Variants in CAB39L observed in about 807,000 individuals in gnomAD.
CAB39L encodes the protein calcium binding protein 39 like.
A neutral mutation model predicts 39.1 loss-of-function variants in CAB39L; 23 were observed. The observed-to-expected ratio is 0.59, with a 90% CI of 0.42 to 0.83. CAB39L has a LOEUF of 0.83. CAB39L is among the 40% of genes least tolerant of loss of function. The pLI, the probability that CAB39L is intolerant of heterozygous loss-of-function variation, is 0.00. For synonymous variants in CAB39L, 126 were observed against 137.2 expected, an observed-to-expected ratio of 0.92 and a Z score of 0.57; for missense variants, 366 against 391.9, an observed-to-expected ratio of 0.93 and a Z score of 0.56.
At chr13:49,325,061 T>G (rs1593910999) in intron 10 of CAB39L, among the ~76,000 whole-genome samples, 1 of 152,322 alleles carries the variant, frequency 6.6e-6, no homozygotes, top group South Asian at 2.1e-4. Flanking sequence ...AGTAACATAT[T>G]TATATACTTG....
intron 7 of CAB39L, among the ~76,000 whole-genome samples, chr13:49,347,951 C>T (rs1955229701): frequency 6.6e-6 from 1 of 152,008 alleles, no homozygotes; most frequent in Admixed American, 6.6e-5. Context: ...TCATACTCCG[C>T]CTCTCGTTAA....
intron 3 of CAB39L, among the ~76,000 whole-genome samples, chr13:49,387,298 G>A (rs1396755713): frequency 6.6e-6 from 1 of 152,188 alleles, no homozygotes; most frequent in African/African-American, 2.4e-5. Context: ...GCCTGACAAT[G>A]GTGCCTTGTG....
intron 5 of CAB39L, among the ~76,000 whole-genome samples, chr13:49,360,636 C>A (rs986298556): frequency 1.3e-5 from 2 of 152,132 alleles, no homozygotes; most frequent in Non-Finnish European, 2.9e-5. Context: ...TGTGTCCTCA[C>A]CCAGATCTCA....
intron 10 of CAB39L, among the ~76,000 whole-genome samples, chr13:49,331,531 A>T (rs141725490): frequency 8.9e-4 from 135 of 152,188 alleles, no homozygotes; most frequent in African/African-American, 2.7e-3. Flanking sequence ...ATCATAACAA[A>T]ATACATTGTA....
chr13:49,374,883 T>C (rs1036482869), intron 5 of CAB39L, among the ~76,000 whole-genome samples: 3 of 152,216 alleles, frequency 2.0e-5, no homozygotes, highest in African/African-American at 7.2e-5. Flanking sequence ...AGCGTACTTA[T>C]GAATTAATGA....
In CAB39L at chr13:49,310,717, C is replaced by G; in HGVS notation, c.*97G>C. 7.5e-7 allele frequency: 1 copy of G among 1,329,490 alleles called. No homozygotes were observed. Among genetic ancestry groups the G allele is most frequent in the East Asian group, 2.3e-5 (1 of 43,146 alleles). The allele number at this position is 1,329,490 out of a possible 1,614,324, so 82.4% of individuals were successfully genotyped here. ...CAATTACAGCAGAAAAAATAGGCAC[C>G]TCCAAAGTCTTCCCAAGAATGATGA... On this transcript the variant is annotated 3_prime_UTR_variant, in exon 11 of 11. Coordinates refer to ENST00000409308, the MANE Select transcript of CAB39L (RefSeq NM_001079670.3).
chr13:49,354,611 T>A (rs1007628860), intron 6 of CAB39L, among the ~76,000 whole-genome samples: 8 of 152,184 alleles, frequency 5.3e-5, no homozygotes, highest in Admixed American at 2.0e-4. Context: ...CCATGGCAGG[T>A]CCCCAGTAAA....
intron 10 of CAB39L, among the ~76,000 whole-genome samples, chr13:49,317,221 T>G (rs1954183089): frequency 6.6e-6 from 1 of 152,152 alleles, no homozygotes; most frequent in Admixed American, 6.5e-5. Flanking sequence ...TCCAACACCT[T>G]TTCATGATAA....
Position 49,443,484 on chromosome 13 carries a change from C to G in CAB39L, c.-246+502G>C, listed in dbSNP as rs1490941793. On this transcript the variant is annotated intron_variant, in intron 1 of 10. Transcript: ENST00000409308. ...GAGCAAACTGTTTAGCAGCCGCTCCCTCGAAAAGGACGGAAGAGGAGGTCT... is the reference window on the plus strand; with the variant it reads ...GAGCAAACTGTTTAGCAGCCGCTCCGTCGAAAAGGACGGAAGAGGAGGTCT... Among the ~76,000 whole-genome samples, 3 of 152,176 alleles carry G rather than the reference C, an allele frequency of 2.0e-5. 1 individual carries two copies. Among genetic ancestry groups the G allele is most frequent in the African/African-American group, 7.2e-5 (3 of 41,438 alleles).
intron 1 of CAB39L, among the ~76,000 whole-genome samples, chr13:49,440,797 T>C (rs1020341057): frequency 6.7e-6 from 1 of 149,452 alleles, no homozygotes; most frequent in African/African-American, 2.5e-5. Flanking sequence ...TTGATTTGGC[T>C]CTCTGCTCCA....
chr13:49,329,544 AATATATATATATATATATATATATATAT>A (rs1179579885), intron 10 of CAB39L, among the ~76,000 whole-genome samples: 961 of 33,796 alleles, frequency 0.028, 75 homozygotes, highest in African/African-American at 0.15. Context: ...TAAAAAAAAA[AATATATATATATATATATATATATATAT>A]ATATATATAT....
chr13:49,357,486 T>C (rs1955519045), intron 6 of CAB39L, among the ~76,000 whole-genome samples: 1 of 152,196 alleles, frequency 6.6e-6, no homozygotes, highest in South Asian at 2.1e-4. Context: ...ATCATTGCAA[T>C]AGAGAATTAA....
intron 10 of CAB39L, 95 bp from the exon 11 acceptor site, chr13:49,311,088 C>T (rs917036056): frequency 4.0e-6 from 4 of 992,800 alleles, no homozygotes; most frequent in South Asian, 1.6e-5. Context: ...ACACTACTCG[C>T]GTTTCATGCG....
chr13:49,426,576 G>A lies in CAB39L; in HGVS notation c.-32+6742C>T, dbSNP rs555042896. 1.6e-4 allele frequency among the ~76,000 whole-genome samples: 25 copies of A among 152,216 alleles called. No individual in the cohort carries two copies. The South Asian group carries it at 4.8e-3, about 29-fold the overall frequency. On this transcript the variant is annotated intron_variant, in intron 3 of 10. Coordinates refer to ENST00000409308, the MANE Select transcript of CAB39L (RefSeq NM_001079670.3). ...TGAGTAGCTGGGACTACAGGCGCCT[G>A]CCACCACACCCGGCTAATTTTTATA...
intron 9 of CAB39L, 139 bp downstream of exon 9, chr13:49,339,533 CATAAA>C: frequency 1.1e-6 from 1 of 946,890 alleles, no homozygotes; most frequent in Non-Finnish European, 1.4e-6. Flanking sequence ...ACAGTCATAA[CATAAA>C]ATATAGTAAA....
chr13:49,415,624 C>T (rs1275956151), intron 3 of CAB39L, among the ~76,000 whole-genome samples: 1 of 152,062 alleles, frequency 6.6e-6, no homozygotes, highest in Non-Finnish European at 1.5e-5. Context: ...CTATAGACTT[C>T]TGAGTTTCCA....
intron 1 of CAB39L, among the ~76,000 whole-genome samples, chr13:49,443,110 G>A (rs1242609395): frequency 2.0e-5 from 3 of 150,834 alleles, no homozygotes; most frequent in African/African-American, 7.3e-5. Context: ...AAGGAGGAGG[G>A]AAACAAGGTT....
intron 10 of CAB39L, among the ~76,000 whole-genome samples, chr13:49,321,727 C>T (rs1593905149): frequency 6.6e-6 from 1 of 152,176 alleles, no homozygotes; most frequent in South Asian, 2.1e-4. Context: ...GCTATAATCA[C>T]GTTTCTCATC....
chr13:49,426,021 T>G (rs1272469556), intron 3 of CAB39L, among the ~76,000 whole-genome samples: 2 of 152,220 alleles, frequency 1.3e-5, no homozygotes, highest in East Asian at 3.8e-4. Context: ...GTAGTGATCC[T>G]TAAAATACAT....
Sources: gnomAD v4.1 joint callset for allele counts (sites outside exome capture counted in the v4.1 genomes callset) on GRCh38, gnomAD v4.1.1 for gene constraint, MANE v1.5 for transcripts, NCBI Gene and HGNC (gene_info 2026-07-23, HGNC 2026-07-21) for gene names.